Variants in NAA60 observed in about 807,000 individuals in gnomAD.
NAA60 encodes the protein N-alpha-acetyltransferase 60, NatF catalytic subunit, also known as N-alpha-acetyltransferase 60.
In NAA60, 8 loss-of-function variants were observed where a neutral mutation model predicts 26.1. The observed-to-expected ratio is 0.31, with a 90% CI of 0.18 to 0.55. NAA60 has a LOEUF of 0.55. Ranked by LOEUF, NAA60 falls within the 20% of genes least tolerant of loss-of-function variation. The pLI is 0.93. For synonymous variants in NAA60, 131 were observed against 122.5 expected, an observed-to-expected ratio of 1.07 and a Z score of -0.46; for missense variants, 290 against 311.3, an observed-to-expected ratio of 0.93 and a Z score of 0.51.
chr16:3,460,281 T>C (rs2035297190), intron 2 of NAA60, among the ~76,000 whole-genome samples: 1 of 152,216 alleles, frequency 6.6e-6, no homozygotes, highest in Non-Finnish European at 1.5e-5. Context: ...ATCTGCGTCA[T>C]CTCCATTATC....
In NAA60 at chr16:3,483,423, A is replaced by T; in HGVS notation, c.398A>T (p.Lys133Ile). 1.9e-6 allele frequency: 3 copies of T among 1,613,926 alleles called. No individual in the cohort carries two copies. Among genetic ancestry groups the T allele is most frequent in the Non-Finnish European group, 2.5e-6 (3 of 1,179,858 alleles). Residue 133 changes from lysine (K) to isoleucine (I), a missense_variant, in exon 6 of 8, where the codon AAA (lysine) becomes ATA (isoleucine). Coordinates refer to ENST00000407558, the MANE Select transcript of NAA60 (RefSeq NM_001083601.3). ...HISTTAQDHC[K>I]AIYLHVLTTN... The stretch of plus-strand genomic sequence containing the variant: ...TCAACCACCGCCCAGGACCACTGCA[A>T]AGCCATTTACCTGCATGTCCTCACC...
At chr16:3,482,380 C>T in intron 4 of NAA60, 122 bp from the exon 5 acceptor site, 3 of 773,822 alleles carry the variant, frequency 3.9e-6, no homozygotes, top group Middle Eastern at 5.3e-4. Flanking sequence ...GATTCTGCCC[C>T]TCCCAGTCGG....
At chr16:3,479,718 A>T in intron 4 of NAA60, 118 bp downstream of exon 4, 1 of 1,210,992 alleles carries the variant, frequency 8.3e-7, no homozygotes, top group Non-Finnish European at 1.1e-6. Context: ...CTGTGACCCA[A>T]GGAATCCAAG....
In NAA60 at chr16:3,453,730, A is replaced by G. The variant is rs537142563; in HGVS notation, c.-7+5190A>G. On this transcript the variant is annotated intron_variant, in intron 2 of 7. Coordinates refer to ENST00000407558, the MANE Select transcript of NAA60 (RefSeq NM_001083601.3). ...GCTAATAATAATAATTTGAACCAAC[A>G]TTCTAGGCATTTTCCCTAAGGAAAT... Among the ~76,000 whole-genome samples, 6 of 152,276 alleles carry G rather than the reference A, an allele frequency of 3.9e-5. No homozygotes were observed. In the South Asian group the frequency reaches 1.2e-3, roughly 32 times the overall value.
chr16:3,464,043 T>A (rs942414718), intron 2 of NAA60, among the ~76,000 whole-genome samples: 9 of 152,232 alleles, frequency 5.9e-5, no homozygotes, highest in Non-Finnish European at 1.3e-4. Flanking sequence ...TTTTATTTTA[T>A]TTTATTTTGA....
At chr16:3,460,900 A>G (rs1443187057) in intron 2 of NAA60, among the ~76,000 whole-genome samples, 3 of 152,012 alleles carry the variant, frequency 2.0e-5, no homozygotes, top group African/African-American at 7.3e-5. Context: ...CAGGATCAGG[A>G]CTCCTTCCCT....
chr16:3,457,340 C>T (rs1481257086), intron 2 of NAA60, among the ~76,000 whole-genome samples: 2 of 152,204 alleles, frequency 1.3e-5, no homozygotes, highest in African/African-American at 4.8e-5. Context: ...TGGTGGTTCA[C>T]ACCTGTAGTC....
At chr16:3,458,763 C>T (rs977641414) in intron 2 of NAA60, among the ~76,000 whole-genome samples, 1 of 152,196 alleles carries the variant, frequency 6.6e-6, no homozygotes, top group Non-Finnish European at 1.5e-5. Context: ...AAATTCCTTA[C>T]GTTCCTGGCC....
chr16:3,484,192 C>A (rs757332707), intron 6 of NAA60, among the ~76,000 whole-genome samples: 42 of 152,092 alleles, frequency 2.8e-4, no homozygotes, highest in Non-Finnish European at 5.4e-4. Flanking sequence ...TGTGTGTTTT[C>A]AAATTCATGA....
intron 2 of NAA60, among the ~76,000 whole-genome samples, chr16:3,471,929 C>T (rs2036173547): frequency 6.6e-6 from 1 of 152,154 alleles, no homozygotes; most frequent in Non-Finnish European, 1.5e-5. Flanking sequence ...TCTGCCTTGT[C>T]CGTCGATGTT....
At chr16:3,464,532 G>A (rs779153901) in intron 2 of NAA60, among the ~76,000 whole-genome samples, 1 of 152,106 alleles carries the variant, frequency 6.6e-6, no homozygotes, top group African/African-American at 2.4e-5. Flanking sequence ...CATCTCGCCC[G>A]CTGCTTCCTA....
intron 2 of NAA60, chr16:3,457,892 C>A: frequency 2.4e-6 from 2 of 817,764 alleles, no homozygotes; most frequent in Non-Finnish European, 3.0e-6. Flanking sequence ...CTGGGCCTGG[C>A]TTCGCACGGA....
chr16:3,463,069 T>G lies in NAA60; in HGVS notation c.-6-13153T>G, dbSNP rs568285076. On this transcript the variant is annotated intron_variant, in intron 2 of 7. Transcript: ENST00000407558. The stretch of plus-strand genomic sequence containing the variant: ...TTCTTTGCGACTTTGACTCTGTGTT[T>G]AGAACATTTATTTCCGGGATGAGTG... Among the ~76,000 whole-genome samples, 8 of 152,300 alleles carry G rather than the reference T, an allele frequency of 5.3e-5. No individual in the cohort carries two copies. In the South Asian group the frequency reaches 1.7e-3, roughly 32 times the overall value.
chr16:3,479,609 G>T lies in NAA60; in HGVS notation c.240+9G>T. 1 of 1,613,678 alleles carries T rather than the reference G, an allele frequency of 6.2e-7. No homozygotes were observed. Among genetic ancestry groups the T allele is most frequent in the Non-Finnish European group, 8.5e-7 (1 of 1,179,700 alleles). The stretch of plus-strand genomic sequence containing the variant: ...CCAAAATACATAAAGAGGTACGTAC[G>T]TGTGTGCAGTGAGGACTTGGCAGTC... On this transcript the variant is annotated intron_variant, in intron 4 of 7. Transcript: ENST00000407558.
Position 3,464,686 on chromosome 16 carries a change from A to G in NAA60, c.-6-11536A>G, listed in dbSNP as rs146145122. Among the ~76,000 whole-genome samples the G allele has an allele frequency of 1.3e-3, 198 of 152,264 alleles. 1 individual carries two copies. The highest frequency in any genetic ancestry group is 6.8e-3 in the Middle Eastern group (2 of 294). On this transcript the variant is annotated intron_variant, in intron 2 of 7. Transcript: ENST00000407558. ...TACGTTTTACTATCATTTGACTCCC[A>G]TGTGCCCCCAAACCTGGTATTATTT...
At chr16:3,471,970 A>G (rs372913802) in intron 2 of NAA60, among the ~76,000 whole-genome samples, 43 of 152,146 alleles carry the variant, frequency 2.8e-4, no homozygotes, top group Non-Finnish European at 4.1e-4. Context: ...CCAGAGTTTC[A>G]AAGTGTGGGT....
At chr16:3,461,704 G>T (rs1056349601) in intron 2 of NAA60, among the ~76,000 whole-genome samples, 6 of 152,170 alleles carry the variant, frequency 3.9e-5, no homozygotes, top group African/African-American at 1.4e-4. Flanking sequence ...TGAAGAGGAG[G>T]TGGTTGTGGA....
At chr16:3,472,985 T>G (rs775694825) in intron 2 of NAA60, among the ~76,000 whole-genome samples, 24 of 151,350 alleles carry the variant, frequency 1.6e-4, no homozygotes, top group East Asian at 7.8e-4. Context: ...TTTAGAGGTT[T>G]TGTTCCTTTG....
intron 3 of NAA60, 127 bp from the exon 4 acceptor site, chr16:3,479,344 A>T: frequency 1.1e-6 from 1 of 893,980 alleles, no homozygotes; most frequent in Non-Finnish European, 1.7e-6. Flanking sequence ...TGATGGGCAC[A>T]CTCCTCGGCA....
Sources: allele counts gnomAD v4.1 joint callset (sites outside exome capture counted in the v4.1 genomes callset), GRCh38; gene constraint gnomAD v4.1.1; transcripts MANE v1.5; gene names NCBI Gene and HGNC (gene_info 2026-07-23, HGNC 2026-07-21).